The following MYT1 variants were observed in gnomAD, a reference collection of about 807,000 sequenced individuals.
The protein encoded by MYT1 is myelin transcription factor 1, also known as myelin transcription factor I.
Under a neutral mutation model 123.0 loss-of-function variants are expected in MYT1, and 23 were observed. The ratio of observed to expected loss-of-function variants is 0.19; its 90% CI spans 0.13 to 0.26. The LOEUF is 0.26. Among genes scored for constraint, MYT1 ranks in the 10% least tolerant of loss-of-function variants. MYT1 has a pLI of 1.00. For synonymous variants in MYT1, 518 were observed against 575.3 expected (o/e 0.90, Z 1.43); for missense variants, 1,125 against 1,472.5 (o/e 0.76, Z 3.86).
At chr20:64,219,520 G>A (rs1481040706) in intron 12 of MYT1, among the ~76,000 whole-genome samples, 193 bp from the exon 13 acceptor site, 1 of 152,196 alleles carries the variant, frequency 6.6e-6, no homozygotes, top group East Asian at 1.9e-4. Flanking sequence ...AAGAGGAATT[G>A]TAGGGCCCCC....
chr20:64,212,563 A>G lies in MYT1; in HGVS notation c.1517+425A>G, dbSNP rs976329208. Reference sequence around the variant, plus strand: ...AGGAGGGAGCAATGCACCCTCTGTGAAGAGAGGTACAACAACCATGTGAGA... The same window carrying G: ...AGGAGGGAGCAATGCACCCTCTGTGGAGAGAGGTACAACAACCATGTGAGA... On this transcript the variant is annotated intron_variant, in intron 9 of 22. Transcript: ENST00000328439. This position sits in a 1 kb window ranked among gnomAD's most constrained non-coding sequence, Gnocchi z 6.8. Among the ~76,000 whole-genome samples, 1 of 152,142 alleles carries G rather than the reference A, an allele frequency of 6.6e-6. No homozygotes were observed. The highest frequency in any genetic ancestry group is 2.4e-5 in the African/African-American group (1 of 41,432).
Position 64,241,583 on chromosome 20 carries a change from A to T in MYT1, c.*1135A>T, listed in dbSNP as rs999421823. ...ATTTTGTCAAGATGTAAGTATTTAT[A>T]TTCACAGCCTCTTATGTTAACGTTT... is the stretch of plus-strand genomic sequence containing the variant. On this transcript the variant is annotated 3_prime_UTR_variant, in exon 23 of 23. Coordinates refer to ENST00000328439, the MANE Select transcript of MYT1 (RefSeq NM_004535.3). This position sits in a 1 kb window ranked among gnomAD's most constrained non-coding sequence, Gnocchi z 4.2. 2.0e-5 allele frequency: 3 copies of T among 152,632 alleles called. No homozygotes were observed. Among genetic ancestry groups the T allele is most frequent in the African/African-American group, 7.2e-5 (3 of 41,462 alleles). The allele number at this position is 152,632 out of a possible 1,614,324, so 9.5% of individuals were successfully genotyped here.
intron 1 of MYT1, among the ~76,000 whole-genome samples, chr20:64,179,661 C>T (rs986295339): frequency 6.6e-6 from 1 of 152,002 alleles, no homozygotes; most frequent in African/African-American, 2.4e-5. Context: ...GGTCCAGCTC[C>T]CCTGTCCTTT....
At chr20:64,217,418 G>A (rs1388779492) in intron 11 of MYT1, 137 bp downstream of exon 11, 2 of 938,362 alleles carry the variant, frequency 2.1e-6, no homozygotes, top group Non-Finnish European at 3.2e-6. Flanking sequence ...GGACCACGAT[G>A]CAGGCTGGAG....
At chr20:64,221,165 C>G (rs1983989249) in intron 13 of MYT1, among the ~76,000 whole-genome samples, 1 of 152,204 alleles carries the variant, frequency 6.6e-6, no homozygotes, top group South Asian at 2.1e-4. Flanking sequence ...AGAGTGGCAC[C>G]TGGGCCCCAA....
rs865879812 is a variant in MYT1, at chr20:64,211,572, C to T, written c.1426+232C>T. Among the ~76,000 whole-genome samples, 85 of 152,344 alleles carry T rather than the reference C, an allele frequency of 5.6e-4. 1 individual carries two copies. Among genetic ancestry groups the T allele is most frequent in the Middle Eastern group, 6.8e-3 (2 of 294 alleles). ...ACCAGCCCATTTGTCTACCTAGAGA[C>T]GCCAGTCCGGGTCAGAGCCCACAGT... On this transcript the variant is annotated intron_variant, in intron 8 of 22. Coordinates refer to ENST00000328439, the MANE Select transcript of MYT1 (RefSeq NM_004535.3).
Position 64,240,348 on chromosome 20 carries a change from C to A in MYT1, c.3266C>A (p.Ala1089Asp). 6.2e-7 allele frequency: 1 copy of A among 1,614,048 alleles called. No homozygotes were observed. Among genetic ancestry groups the A allele is most frequent in the South Asian group, 1.1e-5 (1 of 91,078 alleles). The change falls in exon 23 of 23, where the codon GCC becomes GAC. Residue 1089 changes from alanine to aspartate, a missense_variant. Physicochemically the swap from Ala to Asp is moderately radical, Grantham distance 126. Coordinates refer to ENST00000328439, the MANE Select transcript of MYT1 (RefSeq NM_004535.3). ...MEPICEQNFD[A>D]YVSTLTDMYS... ...CCAATATGCGAACAGAATTTCGATGCCTATGTGAGCACCCTCACCGACATG... is the reference window on the plus strand; with the variant it reads ...CCAATATGCGAACAGAATTTCGATGACTATGTGAGCACCCTCACCGACATG...
At position 64,213,596 on chromosome 20, in the gene MYT1, C is replaced by T. The variant is rs368855170; in HGVS notation, c.1580C>T (p.Pro527Leu). Reference protein sequence around the residue: ...KLAKSHEKQQPQTGDPSKSSS... With the variant: ...KLAKSHEKQQLQTGDPSKSSS... Reference sequence around the variant, plus strand: ...GCCAAATCCCATGAGAAGCAGCAGCCGCAGACAGGAGATCCTTCCAAGAGT... The same window carrying T: ...GCCAAATCCCATGAGAAGCAGCAGCTGCAGACAGGAGATCCTTCCAAGAGT... The change falls in exon 10 of 23, where the codon CCG becomes CTG. Residue 527 changes from proline (P) to leucine (L), a missense_variant. Pro to Leu is a moderately conservative substitution (Grantham distance 98, BLOSUM62 -3). Transcript: ENST00000328439. The surrounding 1 kb of genome is among the most constrained non-coding windows in gnomAD (Gnocchi z 5.6). 66 of 1,613,996 alleles carry T rather than the reference C, an allele frequency of 4.1e-5. No individual in the cohort carries two copies. The East Asian group carries it at 6.7e-4, about 16-fold the overall frequency.
At chr20:64,216,477 T>C (rs1040240980) in intron 10 of MYT1, among the ~76,000 whole-genome samples, 16 of 152,236 alleles carry the variant, frequency 1.1e-4, no homozygotes, top group Non-Finnish European at 2.1e-4. Flanking sequence ...CAACAGTTCC[T>C]TGAGGGTCCA....
intron 18 of MYT1, among the ~76,000 whole-genome samples, chr20:64,228,744 A>G (rs1984241549): frequency 6.6e-6 from 1 of 152,118 alleles, no homozygotes; most frequent in South Asian, 2.1e-4. Flanking sequence ...AGACCAGGTG[A>G]CCCACTGGCC....
At chr20:64,236,437 G>A in intron 19 of MYT1, 118 bp from the exon 20 acceptor site, 1 of 745,378 alleles carries the variant, frequency 1.3e-6, no homozygotes, top group Non-Finnish European at 2.3e-6. Context: ...GATGGTCGTG[G>A]TGGGTGACCC....
At position 64,205,777 on chromosome 20, in the gene MYT1, T is replaced by G; in HGVS notation, c.374T>G (p.Ile125Ser). The G allele has an allele frequency of 6.2e-7, 1 of 1,614,058 alleles. No individual in the cohort carries two copies. The highest frequency in any genetic ancestry group is 8.5e-7 in the Non-Finnish European group (1 of 1,180,026). Residue 125 changes from isoleucine (I) to serine (S), a missense_variant, in exon 6 of 23, where the codon ATT becomes AGT. Ile to Ser is a moderately radical substitution (Grantham distance 142, BLOSUM62 -2). Transcript: ENST00000328439. ...AEAETSGQDE[I>S]HRPETAEGRS... is the part of the protein sequence containing the mutation. ...GCTGAGACGTCAGGACAGGACGAGA[T>G]TCATCGCCCCGAGACAGCTGAAGGT...
chr20:64,191,459 A>T lies in MYT1; in HGVS notation c.-1+1299A>T, dbSNP rs1362248722. The stretch of plus-strand genomic sequence containing the variant: ...AGCCCTTCCCAGAGATCCGATTCTG[A>T]CCTCTCTTTTTTCTTTTTTGCATGT... On this transcript the variant is annotated intron_variant, in intron 2 of 22. Transcript: ENST00000328439. This position sits in a 1 kb window ranked among gnomAD's most constrained non-coding sequence, Gnocchi z 4.1. 6.6e-6 allele frequency: 1 copy of T among 151,994 alleles called. No homozygotes were observed. Among genetic ancestry groups the T allele is most frequent in the Non-Finnish European group, 1.5e-5 (1 of 68,022 alleles). 9.4% of individuals were successfully genotyped at this position (151,994 alleles called of 1,614,324 possible).
In MYT1 at chr20:64,223,322, C is replaced by T. The variant is rs1270153618; in HGVS notation, c.2491C>T (p.Leu831Phe). ...LSGCPLADKS[L>F]RNLMAAHSAD... ...TGGTTGCCCTCTTGCTGACAAGAGCCTCAGAAACCTCATGGCTGCCCACTC... is the reference window on the plus strand; with the variant it reads ...TGGTTGCCCTCTTGCTGACAAGAGCTTCAGAAACCTCATGGCTGCCCACTC... Residue 831 changes from leucine (L) to phenylalanine (F), a missense_variant, in exon 16 of 23, where the codon CTC becomes TTC. By Grantham distance (22) the Leu-to-Phe change is conservative. Transcript: ENST00000328439. The T allele has an allele frequency of 6.2e-7, 1 of 1,614,192 alleles. No homozygotes were observed.
chr20:64,204,968 G>A, intron 4 of MYT1, 67 bp from the exon 5 acceptor site: 1 of 1,533,384 alleles, frequency 6.5e-7, no homozygotes, highest in Non-Finnish European at 9.0e-7. Context: ...CAGGGTGAAG[G>A]TCTGCGACAG....
rs1406674206 is a variant in MYT1 at position 64,217,156 on chromosome 20, C to T, written c.1721C>T (p.Ala574Val). 1 of 1,614,220 alleles carries T rather than the reference C, an allele frequency of 6.2e-7. No individual in the cohort carries two copies. Residue 574 changes from alanine (A) to valine (V), a missense_variant, in exon 11 of 23, where the codon GCC becomes GTC. Physicochemically the swap from Ala to Val is moderately conservative, Grantham distance 64 (BLOSUM62 0). Coordinates refer to ENST00000328439, the MANE Select transcript of MYT1 (RefSeq NM_004535.3). ...VAPATPRANL[A>V]KELEKFSKVT... ...CCCGCCACACCCAGGGCCAACTTGGCCAAGGAGCTGGAGAAGTTCTCCAAG... is the reference window on the plus strand; with the variant it reads ...CCCGCCACACCCAGGGCCAACTTGGTCAAGGAGCTGGAGAAGTTCTCCAAG...
chr20:64,166,881 A>G lies in MYT1; in HGVS notation c.-99+2142A>G, dbSNP rs1285005968. 6.6e-6 allele frequency among the ~76,000 whole-genome samples: 1 copy of G among 152,176 alleles called. No homozygotes were observed. Among genetic ancestry groups the G allele is most frequent in the African/African-American group, 2.4e-5 (1 of 41,426 alleles). ...AGAGGGTATGCGGCCACGGGGGTGC[A>G]TGCTGGGCAGCTCTGGCAGCTGACC... On this transcript the variant is annotated intron_variant, in intron 1 of 22. Transcript: ENST00000328439. This position sits in a 1 kb window ranked among gnomAD's most constrained non-coding sequence, Gnocchi z 4.9.
chr20:64,200,897 G>A (rs1983278603), intron 4 of MYT1, among the ~76,000 whole-genome samples: 1 of 152,180 alleles, frequency 6.6e-6, no homozygotes, highest in Admixed American at 6.5e-5. Context: ...ATCACACCGG[G>A]TGCTCCCCAG....
chr20:64,212,641 G>A lies in MYT1; in HGVS notation c.1517+503G>A, dbSNP rs1983715564. Among the ~76,000 whole-genome samples the A allele has an allele frequency of 1.3e-5, 2 of 152,186 alleles. No individual in the cohort carries two copies. Among genetic ancestry groups the A allele is most frequent in the Non-Finnish European group, 2.9e-5 (2 of 68,024 alleles). On this transcript the variant is annotated intron_variant, in intron 9 of 22. Transcript: ENST00000328439. The surrounding 1 kb of genome is among the most constrained non-coding windows in gnomAD (Gnocchi z 6.8). Reference sequence around the variant, plus strand: ...ACATTCAGAAAACCTCTGCACACTGGCTCTTGCTCCTGAGTGGGAAGGGCA... The same window carrying A: ...ACATTCAGAAAACCTCTGCACACTGACTCTTGCTCCTGAGTGGGAAGGGCA...
Sources: gnomAD v4.1 joint callset for allele counts (sites outside exome capture counted in the v4.1 genomes callset) on GRCh38, gnomAD v4.1.1 for gene constraint, Gnocchi (gnomAD v3.1) non-coding constraint, MANE v1.5 for transcripts, NCBI Gene and HGNC (gene_info 2026-07-23, HGNC 2026-07-21) for gene names.